The following ZXDC variants were observed in gnomAD, a reference collection of about 807,000 sequenced individuals.
The protein encoded by ZXDC is ZXD family zinc finger C.
ZXDC carries 58 observed loss-of-function variants against 63.6 expected under a neutral mutation model. The observed-to-expected ratio is 0.91, with a 90% CI of 0.74 to 1.13. The LOEUF is 1.13. ZXDC is among the 50% of genes most tolerant of loss of function. The pLI is 0.00. For missense variants in ZXDC, 1,133 were observed against 1,148.9 expected (o/e 0.99, Z 0.20); for synonymous variants, 561 against 496.1 (o/e 1.13, Z -1.74).
intron 6 of ZXDC, chr3:126,460,217 T>C (rs1934470956): frequency 1.1e-6 from 1 of 881,802 alleles, no homozygotes; most frequent in African/African-American, 1.8e-5. Context: ...TACACAAAAA[T>C]AATAATGATG....
chr3:126,442,941 G>A (rs954885004), intron 7 of ZXDC: 1 of 152,262 alleles, frequency 6.6e-6, no homozygotes, highest in African/African-American at 2.4e-5. Context: ...CATGGGGTGA[G>A]AGCTGACTTG....
chr3:126,450,148 G>C (rs1406297302), intron 7 of ZXDC: 2 of 359,138 alleles, frequency 5.6e-6, no homozygotes, highest in Non-Finnish European at 1.1e-5. Flanking sequence ...AGGGGTCTGA[G>C]ACCCTCACAG....
At chr3:126,453,123 G>T (rs1330809897) in intron 7 of ZXDC, 21 of 985,276 alleles carry the variant, frequency 2.1e-5, no homozygotes, top group Non-Finnish European at 2.4e-5. Flanking sequence ...GGGGAGAACT[G>T]AGGAACTATT....
At chr3:126,460,859 T>A in intron 6 of ZXDC, 1 of 985,386 alleles carries the variant, frequency 1.0e-6, no homozygotes, top group Non-Finnish European at 1.2e-6. Flanking sequence ...TTCTCAACAA[T>A]ATAAATGTCA....
intron 4 of ZXDC, among the ~76,000 whole-genome samples, chr3:126,470,286 G>A (rs568125114): frequency 6.6e-6 from 1 of 152,262 alleles, no homozygotes; most frequent in South Asian, 2.1e-4. Context: ...GGCCAACATG[G>A]TGAAACCCTG....
At position 126,475,541 on chromosome 3, in the gene ZXDC, C is replaced by A; in HGVS notation, c.325G>T (p.Glu109Ter). Reference protein sequence around the residue: ...GSRVNLASRPEQGPSGPAAPP... With the variant: ...GSRVNLASRP Reference sequence around the variant, plus strand: ...GCGGCCGGGCCGCTGGGGCCCTGCTCGGGGCGGCTCGCCAGGTTGACACGG... The same window carrying A: ...GCGGCCGGGCCGCTGGGGCCCTGCTAGGGGCGGCTCGCCAGGTTGACACGG... Residue 109 changes from glutamate to a stop codon, truncating the protein, a stop_gained, in exon 1 of 10, where the codon GAG becomes TAG. Transcript: ENST00000389709. LOFTEE classifies it high-confidence loss of function. 1 of 1,344,412 alleles carries A rather than the reference C, an allele frequency of 7.4e-7. No homozygotes were observed. Among genetic ancestry groups the A allele is most frequent in the South Asian group, 1.8e-5 (1 of 55,142 alleles). 83.3% of individuals were successfully genotyped at this position (1,344,412 alleles called of 1,614,324 possible).
At chr3:126,457,833 C>T (rs1934366230) in intron 7 of ZXDC, among the ~76,000 whole-genome samples, 1 of 152,154 alleles carries the variant, frequency 6.6e-6, no homozygotes, top group Admixed American at 6.6e-5. Flanking sequence ...AGAGCCCACT[C>T]CCACCTGCAG....
intron 7 of ZXDC, among the ~76,000 whole-genome samples, chr3:126,449,879 A>C (rs1449997836): frequency 6.6e-6 from 1 of 152,228 alleles, no homozygotes; most frequent in African/African-American, 2.4e-5. Context: ...GAAACAAGAA[A>C]GGCGTCAAAG....
At chr3:126,440,642 C>CCCTGCT in intron 8 of ZXDC, 1 of 986,468 alleles carries the variant, frequency 1.0e-6, no homozygotes, top group Non-Finnish European at 1.2e-6. Context: ...CTCCCCCTGC[C>CCCTGCT]CCTGCTCCTG....
rs532060741 is a variant in ZXDC, at chr3:126,445,076, A to C, written c.2213-3130T>G. ...TCACAGGAATTTCTTTTCAATCCGC[A>C]CATTTAATTCAGTGTCTCAGGTAGT... On this transcript the variant is annotated intron_variant, in intron 7 of 9. Coordinates refer to ENST00000389709, the MANE Select transcript of ZXDC (RefSeq NM_025112.5). Among the ~76,000 whole-genome samples, 15 of 152,334 alleles carry C rather than the reference A, an allele frequency of 9.8e-5. No homozygotes were observed. The South Asian group carries it at 3.1e-3, about 32-fold the overall frequency.
Position 126,466,320 on chromosome 3 carries a change from A to C in ZXDC, c.1276T>G (p.Cys426Gly). ...KPFECPVEGC[C>G]ARFSARSSLY... is the part of the protein sequence containing the mutation. The stretch of plus-strand genomic sequence containing the variant: ...CTGCTACGAGCGGAGAACCTCGCGC[A>C]ACATCCTGGAACAAAAAGAGTAATG... The change falls in exon 5 of 10, where the codon TGC (cysteine) becomes GGC (glycine). Residue 426 changes from cysteine (C) to glycine (G), a missense_variant. Physicochemically the swap from Cys to Gly is radical, Grantham distance 159. Transcript: ENST00000389709. 1 of 1,614,224 alleles carries C rather than the reference A, an allele frequency of 6.2e-7. No homozygotes were observed. Among genetic ancestry groups the C allele is most frequent in the Non-Finnish European group, 8.5e-7 (1 of 1,180,044 alleles).
chr3:126,461,215 G>A, intron 6 of ZXDC: 2 of 1,082,684 alleles, frequency 1.8e-6, no homozygotes, highest in African/African-American at 1.7e-5. Flanking sequence ...AAGCATAGAG[G>A]CAAAGTATCT....
chr3:126,452,488 T>C (rs1353819167), intron 7 of ZXDC: 1 of 985,412 alleles, frequency 1.0e-6, no homozygotes, highest in African/African-American at 1.7e-5. Flanking sequence ...GGCTTCCAAC[T>C]GCTCTCCCTG....
chr3:126,467,337 G>A (rs1024789595), intron 4 of ZXDC, among the ~76,000 whole-genome samples: 4 of 152,090 alleles, frequency 2.6e-5, no homozygotes, highest in Non-Finnish European at 4.4e-5. Context: ...TATCTTTTGC[G>A]GGTCTCCTTT....
chr3:126,472,438 A>C (rs1365285430), intron 1 of ZXDC, 133 bp from the exon 2 acceptor site: 29 of 1,140,522 alleles, frequency 2.5e-5, no homozygotes, highest in Non-Finnish European at 3.3e-5. Context: ...AGCACTCTCT[A>C]AAAAGGGAAG....
At chr3:126,460,193 C>T (rs1293969276) in intron 6 of ZXDC, 1 of 960,712 alleles carries the variant, frequency 1.0e-6, no homozygotes, top group East Asian at 1.1e-4. Context: ...AGGGGCTATA[C>T]TTTGTCAAAG....
At chr3:126,462,270 A>T in intron 5 of ZXDC, 50 bp from the exon 6 acceptor site, 1 of 1,527,800 alleles carries the variant, frequency 6.5e-7, no homozygotes, top group East Asian at 2.3e-5. Context: ...TTGAAGACTG[A>T]GTACTTTTGT....
At chr3:126,460,272 G>C (rs1183530817) in intron 6 of ZXDC, 4 of 532,280 alleles carry the variant, frequency 7.5e-6, no homozygotes, top group Non-Finnish European at 9.6e-6. Flanking sequence ...ACAGTACTCA[G>C]AGGACATCAG....
intron 7 of ZXDC, among the ~76,000 whole-genome samples, chr3:126,445,884 T>A (rs1933866418): frequency 6.6e-6 from 1 of 152,172 alleles, no homozygotes; most frequent in Admixed American, 6.5e-5. Context: ...GGCTGAAAGT[T>A]AATCATAAAC....
Sources: gnomAD v4.1 joint callset for allele counts (sites outside exome capture counted in the v4.1 genomes callset) on GRCh38, gnomAD v4.1.1 for gene constraint, MANE v1.5 for transcripts, NCBI Gene and HGNC (gene_info 2026-07-23, HGNC 2026-07-21) for gene names.